The following ALG1L2 variants were observed in gnomAD, a reference collection of about 807,000 sequenced individuals.
ALG1L2 encodes the protein ALG1 chitobiosyldiphosphodolichol beta-mannosyltransferase like 2.
In ALG1L2, 32 loss-of-function variants were observed where a neutral mutation model predicts 29.0. That is an observed-to-expected ratio of 1.10 (90% CI 0.83 to 1.48). The LOEUF (loss-of-function observed/expected upper bound fraction) is 1.48. ALG1L2 is among the 40% of genes most tolerant of loss of function. ALG1L2 has a pLI of 0.00. For synonymous variants in ALG1L2, 110 were observed against 109.5 expected (o/e 1.00, Z -0.03); for missense variants, 318 against 274.1 (o/e 1.16, Z -1.13).
At chr3:130,097,541 A>G (rs1275543207) in intron 7 of ALG1L2, among the ~76,000 whole-genome samples, 1 of 152,250 alleles carries the variant, frequency 6.6e-6, no homozygotes, top group African/African-American at 2.4e-5. Flanking sequence ...GGAAGTGATC[A>G]GGATCAGGTA....
At position 130,093,121 on chromosome 3, in the gene ALG1L2, G is replaced by T; in HGVS notation, c.274G>T (p.Asp92Tyr). The change falls in exon 4 of 8, where the codon GAC becomes TAC. Residue 92 changes from aspartate to tyrosine, a missense_variant. Transcript: ENST00000425059. ...SWTEFEQLTL[D>Y]GQNLPSLVCV... ...CACAGAGTTTGAACAACTGACTCTT[G>T]ACGGACAGAACCTTCCTTCTCTCGT... The T allele has an allele frequency of 6.2e-7, 1 of 1,604,794 alleles. No individual in the cohort carries two copies. Among genetic ancestry groups the T allele is most frequent in the Non-Finnish European group, 8.5e-7 (1 of 1,176,442 alleles).
intron 5 of ALG1L2, 60 bp downstream of exon 5, chr3:130,094,573 T>TGGGGGGG: frequency 3.0e-6 from 1 of 332,030 alleles, no homozygotes; most frequent in East Asian, 7.2e-5. Flanking sequence ...GGAACAGGGG[T>TGGGGGGG]GGGCGGGGTG....
At chr3:130,084,319 T>G (rs1934846899) in intron 1 of ALG1L2, among the ~76,000 whole-genome samples, 1 of 138,942 alleles carries the variant, frequency 7.2e-6, no homozygotes, top group Non-Finnish European at 1.6e-5. Flanking sequence ...TAATAAAAAG[T>G]AAAAATGCAA....
At chr3:130,088,398 A>G (rs1172945015) in intron 1 of ALG1L2, among the ~76,000 whole-genome samples, 2 of 152,302 alleles carry the variant, frequency 1.3e-5, no homozygotes, top group Non-Finnish European at 2.9e-5. Context: ...ATGACATTGA[A>G]TAAGTCTCAC....
Position 130,095,410 on chromosome 3 carries a change from TTATTATTATTA to T in ALG1L2, c.425-637_425-627del, listed in dbSNP as rs1559788679. On this transcript the variant is annotated intron_variant, in intron 5 of 7. Transcript: ENST00000425059. ...TGGTTTGTGGTGGGTGTGCTGTGGT[TTATTATTATTA>T]TTATTATTATTATTATTATTATTAT... is the stretch of plus-strand genomic sequence containing the variant. Among the ~76,000 whole-genome samples the T allele has an allele frequency of 1.1e-3, 89 of 80,828 alleles. 1 individual carries two copies. In the East Asian group the frequency reaches 0.022, roughly 20 times the overall value. The allele number at this position is 80,828 out of a possible 152,430, so 53.0% of individuals were successfully genotyped here. A position where few individuals can be genotyped will look rare whatever the true frequency, so the allele number is the denominator to read the frequency against.
chr3:130,095,448 A>ATTATTT (rs1296797081), intron 5 of ALG1L2, among the ~76,000 whole-genome samples: 1 of 123,876 alleles, frequency 8.1e-6, no homozygotes, highest in Non-Finnish European at 1.8e-5. Flanking sequence ...TATTATTATT[A>ATTATTT]TTTTGAGACG....
At chr3:130,087,560 A>G (rs1934918766) in intron 1 of ALG1L2, among the ~76,000 whole-genome samples, 1 of 146,508 alleles carries the variant, frequency 6.8e-6, no homozygotes, top group African/African-American at 2.4e-5. Flanking sequence ...CCTTGGTTAT[A>G]TAAGAGAAAG....
rs1935055829 is a variant in ALG1L2 at position 130,093,119 on chromosome 3, T to C, written c.272T>C (p.Leu91Pro). 6.2e-7 allele frequency: 1 copy of C among 1,611,122 alleles called. No homozygotes were observed. Among genetic ancestry groups the C allele is most frequent in the Non-Finnish European group, 8.5e-7 (1 of 1,179,498 alleles). The change falls in exon 4 of 8, where the codon CTT becomes CCT. Residue 91 changes from leucine to proline, a missense_variant. By Grantham distance (98) the Leu-to-Pro change is moderately conservative. Coordinates refer to ENST00000425059, the MANE Select transcript of ALG1L2 (RefSeq NM_001136152.1). ...AACACAGAGTTTGAACAACTGACTC[T>C]TGACGGACAGAACCTTCCTTCTCTC... ...TSWTEFEQLT[L>P]DGQNLPSLVC...
chr3:130,084,099 C>G (rs547898049), intron 1 of ALG1L2, among the ~76,000 whole-genome samples: 1 of 149,668 alleles, frequency 6.7e-6, no homozygotes, highest in East Asian at 2.0e-4. Context: ...CAGATGGTGA[C>G]TGAGGCTCAG....
intron 3 of ALG1L2, 109 bp downstream of exon 3, chr3:130,092,331 G>A (rs1010152882): frequency 1.9e-6 from 3 of 1,595,780 alleles, no homozygotes; most frequent in East Asian, 4.5e-5. Flanking sequence ...CACGGTCTCA[G>A]TGAGAAGGGG....
intron 6 of ALG1L2, 52 bp from the exon 7 acceptor site, chr3:130,097,123 G>T: frequency 1.2e-6 from 2 of 1,600,998 alleles, no homozygotes; most frequent in South Asian, 1.1e-5. Context: ...GCACCCCAGG[G>T]GTCTAGTGTC....
intron 7 of ALG1L2, among the ~76,000 whole-genome samples, chr3:130,097,629 G>A (rs1321078480): frequency 6.6e-6 from 1 of 152,178 alleles, no homozygotes; most frequent in Non-Finnish European, 1.5e-5. Flanking sequence ...GTTTCTTATT[G>A]CAAAAAGTAA....
rs1156906699 is a variant in ALG1L2, at chr3:130,082,042, C to G, written c.20+6C>G. 1.1e-5 allele frequency: 16 copies of G among 1,505,688 alleles called. 1 individual carries two copies. The highest frequency in any genetic ancestry group is 1.4e-5 in the Non-Finnish European group (15 of 1,108,402). 93.3% of individuals were successfully genotyped at this position (1,505,688 alleles called of 1,614,324 possible). A position where few individuals can be genotyped will look rare whatever the true frequency, so the allele number is the denominator to read the frequency against. ...ATGGGAGCTACTGCAGGCTGGTAAG[C>G]AGGGGGGTGGTGCTGGTTGGATTGC... On this transcript the variant is annotated splice_donor_region_variant and intron_variant, in intron 1 of 7. Transcript: ENST00000425059.
chr3:130,082,060 T>C lies in ALG1L2; in HGVS notation c.20+24T>C, dbSNP rs1934796525. 2.7e-6 allele frequency: 4 copies of C among 1,495,348 alleles called. No individual in the cohort carries two copies. In the South Asian group the frequency reaches 3.7e-5, roughly 14 times the overall value. 92.6% of individuals were successfully genotyped at this position (1,495,348 alleles called of 1,614,324 possible). On this transcript the variant is annotated intron_variant, in intron 1 of 7. Coordinates refer to ENST00000425059, the MANE Select transcript of ALG1L2 (RefSeq NM_001136152.1). ...TGGTAAGCAGGGGGGTGGTGCTGGT[T>C]GGATTGCAATGCAGAGAAACCCTGG...
intron 5 of ALG1L2, among the ~76,000 whole-genome samples, 174 bp from the exon 6 acceptor site, chr3:130,095,875 T>A (rs1935118280): frequency 6.6e-6 from 1 of 152,244 alleles, no homozygotes; most frequent in African/African-American, 2.4e-5. Flanking sequence ...CATTTTCAGA[T>A]GTCCCAGCCA....
Position 130,087,222 on chromosome 3 carries a change from G to A in ALG1L2, c.21-4039G>A, listed in dbSNP as rs79837516. ...TGTCCCTCCTGATGCAATGCACAGA[G>A]AACATGACACCATTGCTGTGATAGT... is the stretch of plus-strand genomic sequence containing the variant. On this transcript the variant is annotated intron_variant, in intron 1 of 7. Coordinates refer to ENST00000425059, the MANE Select transcript of ALG1L2 (RefSeq NM_001136152.1). Among the ~76,000 whole-genome samples the A allele has an allele frequency of 6.4e-3, 961 of 149,474 alleles. 1 individual carries two copies. Among genetic ancestry groups the A allele is most frequent in the African/African-American group, 0.022 (883 of 40,998 alleles).
intron 1 of ALG1L2, among the ~76,000 whole-genome samples, chr3:130,089,122 G>A (rs1934955825): frequency 6.6e-6 from 1 of 152,290 alleles, no homozygotes; most frequent in Admixed American, 6.5e-5. Flanking sequence ...TTCTGGGAGG[G>A]TTCTTGGGAA....
In ALG1L2 at chr3:130,092,148, G is replaced by T. The variant is rs745526895; in HGVS notation, c.179G>T (p.Arg60Leu). The T allele has an allele frequency of 6.2e-7, 1 of 1,613,492 alleles. No homozygotes were observed. The highest frequency in any genetic ancestry group is 1.7e-5 in the Admixed American group (1 of 60,004). Residue 60 changes from arginine to leucine, a missense_variant, in exon 3 of 8, where the codon CGG (arginine) becomes CTG (leucine). By Grantham distance (102) the Arg-to-Leu change is moderately radical. Transcript: ENST00000425059. ...PDTERSAFTE[R>L]DSGSGLVTRL... is the part of the protein sequence containing the mutation. ...ACAGAGCGGTCGGCCTTCACGGAGCGGGATTCTGGGAGCGGGCTGGTGACG... is the reference window on the plus strand; with the variant it reads ...ACAGAGCGGTCGGCCTTCACGGAGCTGGATTCTGGGAGCGGGCTGGTGACG...
In ALG1L2 at chr3:130,085,408, A is replaced by T. The variant is rs80335407; in HGVS notation, c.20+3372A>T. Among the ~76,000 whole-genome samples, 124 of 64,294 alleles carry T rather than the reference A, an allele frequency of 1.9e-3. 2 individuals are homozygous for T. Among genetic ancestry groups the T allele is most frequent in the Middle Eastern group, 0.022 (2 of 92 alleles). The allele number at this position is 64,294 out of a possible 152,430, so 42.2% of individuals were successfully genotyped here. ...ACTGTGCCTGGCGTATTTTATTTAT[A>T]ATCTTTTTAATAGAGATAGGAGTCT... On this transcript the variant is annotated intron_variant, in intron 1 of 7. Coordinates refer to ENST00000425059, the MANE Select transcript of ALG1L2 (RefSeq NM_001136152.1).
Sources: gnomAD v4.1 joint callset for allele counts (sites outside exome capture counted in the v4.1 genomes callset) on GRCh38, gnomAD v4.1.1 for gene constraint, MANE v1.5 for transcripts, NCBI Gene and HGNC (gene_info 2026-07-23, HGNC 2026-07-21) for gene names.